The following STON2 variants were observed in gnomAD, a reference collection of about 807,000 sequenced individuals.
STON2 encodes stonin-2.
Under a neutral mutation model 65.7 loss-of-function variants are expected in STON2, and 29 were observed. The ratio of observed to expected loss-of-function variants is 0.44; its 90% CI spans 0.33 to 0.60. STON2 has a LOEUF of 0.60. Among genes scored for constraint, STON2 ranks in the 20% least tolerant of loss-of-function variants. The pLI, the probability that STON2 is intolerant of heterozygous loss-of-function variation, is 0.03. For missense variants in STON2, 1,054 were observed against 1,118.1 expected (o/e 0.94, Z 0.82); for synonymous variants, 404 against 414.2 (o/e 0.98, Z 0.30).
Position 81,278,462 on chromosome 14 carries a change from C to A in STON2, c.1020G>T (p.Leu340Phe), listed in dbSNP as rs368837352. 1.9e-6 allele frequency: 3 copies of A among 1,614,108 alleles called. No homozygotes were observed. The highest frequency in any genetic ancestry group is 3.3e-5 in the Admixed American group (2 of 60,002). Residue 340 changes from leucine (L) to phenylalanine (F), a missense_variant, in exon 6 of 8, where the codon TTG becomes TTT. By Grantham distance (22) the Leu-to-Phe change is conservative (BLOSUM62 0). Coordinates refer to ENST00000614646, the MANE Select transcript of STON2 (RefSeq NM_001394390.1). ...GCTTCTGAACTTTGGAGAAGTTCATCAAAGTGCTCTTGGGACGGTCCCTCT... is the reference window on the plus strand; with the variant it reads ...GCTTCTGAACTTTGGAGAAGTTCATAAAAGTGCTCTTGGGACGGTCCCTCT... ...FKKRDRPKST[L>F]MNFSKVQKLD...
At chr14:81,288,537 T>C (rs1173180978) in intron 5 of STON2, among the ~76,000 whole-genome samples, 1 of 152,112 alleles carries the variant, frequency 6.6e-6, no homozygotes, top group Admixed American at 6.5e-5. Context: ...AAAAATATGG[T>C]TGTAGAGTCA....
chr14:81,322,059 C>G (rs1566907971), intron 5 of STON2, among the ~76,000 whole-genome samples: 1 of 152,140 alleles, frequency 6.6e-6, no homozygotes, highest in South Asian at 2.1e-4. Flanking sequence ...TACATAAGTA[C>G]CCCCTAATAA....
At chr14:81,409,538 G>A (rs1345286465) in intron 2 of STON2, among the ~76,000 whole-genome samples, 2 of 151,734 alleles carry the variant, frequency 1.3e-5, no homozygotes, top group Non-Finnish European at 2.9e-5. Flanking sequence ...TTAGTATATA[G>A]TTCCAGAATG....
chr14:81,435,758 G>A (rs946510528), intron 1 of STON2, among the ~76,000 whole-genome samples: 2 of 152,160 alleles, frequency 1.3e-5, no homozygotes, highest in Non-Finnish European at 2.9e-5. Context: ...CGAGAGGCGG[G>A]TGTCAGGCAA....
chr14:81,360,653 T>C (rs1898451431), intron 4 of STON2, among the ~76,000 whole-genome samples: 3 of 152,146 alleles, frequency 2.0e-5, no homozygotes, highest in Non-Finnish European at 4.4e-5. Context: ...CTATTCAACA[T>C]AGTATTGAAA....
Position 81,277,633 on chromosome 14 carries a change from T to C in STON2, c.1849A>G (p.Ser617Gly). Reference sequence around the variant, plus strand: ...TCAAGGTAGTTGAGGCCAACTGTGCTCAAGTCCATTGACAACACTGGCAGA... The same window carrying C: ...TCAAGGTAGTTGAGGCCAACTGTGCCCAAGTCCATTGACAACACTGGCAGA... ...MDLPVLSMDL[S>G]TVGLNYLEEE... The change falls in exon 6 of 8, where the codon AGC becomes GGC. Residue 617 changes from serine to glycine, a missense_variant. Transcript: ENST00000614646. 1 of 1,614,164 alleles carries C rather than the reference T, an allele frequency of 6.2e-7. No individual in the cohort carries two copies. Among genetic ancestry groups the C allele is most frequent in the Non-Finnish European group, 8.5e-7 (1 of 1,180,034 alleles).
In STON2 at chr14:81,262,510, G is replaced by C. The variant is rs1894189892; in HGVS notation, c.*5904C>G. Reference sequence around the variant, plus strand: ...TGGCTTCTAGTTCAAGTATTTTGAGGCTTGGTACCCAATGCTGATTTGTCA... The same window carrying C: ...TGGCTTCTAGTTCAAGTATTTTGAGCCTTGGTACCCAATGCTGATTTGTCA... On this transcript the variant is annotated 3_prime_UTR_variant, in exon 8 of 8. Coordinates refer to ENST00000614646, the MANE Select transcript of STON2 (RefSeq NM_001394390.1). The C allele has an allele frequency of 1.0e-6, 1 of 985,084 alleles. No individual in the cohort carries two copies. Among genetic ancestry groups the C allele is most frequent in the South Asian group, 4.7e-5 (1 of 21,284 alleles). 61.0% of individuals were successfully genotyped at this position (985,084 alleles called of 1,614,324 possible).
intron 2 of STON2, among the ~76,000 whole-genome samples, chr14:81,416,254 T>C (rs1337879679): frequency 2.6e-5 from 4 of 152,166 alleles, no homozygotes; most frequent in Non-Finnish European, 5.9e-5. Context: ...ACCATTATTA[T>C]TTCTACCCAT....
intron 4 of STON2, among the ~76,000 whole-genome samples, chr14:81,362,594 C>A (rs146522131): frequency 6.6e-6 from 1 of 152,178 alleles, no homozygotes; most frequent in East Asian, 1.9e-4. Flanking sequence ...AATACAGTGA[C>A]TAATATTGTA....
At chr14:81,379,201 A>C (rs529212201) in intron 3 of STON2, among the ~76,000 whole-genome samples, 1 of 152,214 alleles carries the variant, frequency 6.6e-6, no homozygotes, top group Admixed American at 6.5e-5. Context: ...TCAACATATA[A>C]AAGTGAATTG....
At chr14:81,392,165 AC>A (rs1436058904) in intron 3 of STON2, among the ~76,000 whole-genome samples, 1 of 152,156 alleles carries the variant, frequency 6.6e-6, no homozygotes, top group African/African-American at 2.4e-5. Flanking sequence ...TCACAGGTTG[AC>A]TATCTCTGTA....
At chr14:81,434,284 C>T (rs1381360233) in intron 1 of STON2, among the ~76,000 whole-genome samples, 1 of 152,196 alleles carries the variant, frequency 6.6e-6, no homozygotes, top group South Asian at 2.1e-4. Flanking sequence ...TGAGATCTCA[C>T]GAGGTGGGAG....
At chr14:81,271,017 C>T (rs1365094178) in intron 6 of STON2, 145 bp from the exon 7 acceptor site, 12 of 1,085,272 alleles carry the variant, frequency 1.1e-5, no homozygotes, top group African/African-American at 1.6e-5. Flanking sequence ...GCACGAGGAT[C>T]CGCCCGGCTC....
chr14:81,414,340 G>A (rs1901315815), intron 2 of STON2, among the ~76,000 whole-genome samples: 1 of 152,080 alleles, frequency 6.6e-6, no homozygotes, highest in Non-Finnish European at 1.5e-5. Context: ...AGTTACCTAG[G>A]GAGAAGCCGT....
intron 5 of STON2, among the ~76,000 whole-genome samples, chr14:81,291,678 A>G (rs917427402): frequency 6.6e-6 from 1 of 152,014 alleles, no homozygotes; most frequent in South Asian, 2.1e-4. Flanking sequence ...ATTAGAATAA[A>G]CTAATAAATT....
chr14:81,361,595 T>A (rs2140340978), intron 4 of STON2, among the ~76,000 whole-genome samples: 1 of 152,182 alleles, frequency 6.6e-6, no homozygotes, highest in South Asian at 2.1e-4. Flanking sequence ...TAGGCAATGA[T>A]TTTTTACATT....
chr14:81,340,731 C>G lies in STON2; in HGVS notation c.572-16544G>C, dbSNP rs573694473. Among the ~76,000 whole-genome samples, 77 of 152,154 alleles carry G rather than the reference C, an allele frequency of 5.1e-4. 1 individual carries two copies. The highest frequency in any genetic ancestry group is 3.4e-3 in the Middle Eastern group (1 of 294). The stretch of plus-strand genomic sequence containing the variant: ...ACTCTGGAGCACTGCACACAGACAC[C>G]AACTCGCACTAACGGTGGCTTGAAT... On this transcript the variant is annotated intron_variant, in intron 4 of 7. Coordinates refer to ENST00000614646, the MANE Select transcript of STON2 (RefSeq NM_001394390.1).
At chr14:81,292,673 T>C (rs145871766) in intron 5 of STON2, among the ~76,000 whole-genome samples, 88 of 152,308 alleles carry the variant, frequency 5.8e-4, no homozygotes, top group African/African-American at 1.9e-3. Context: ...TGTAAGTCAA[T>C]TAAACCTCTT....
chr14:81,390,550 A>G (rs552894634), intron 3 of STON2, among the ~76,000 whole-genome samples: 28 of 152,344 alleles, frequency 1.8e-4, no homozygotes, highest in African/African-American at 6.5e-4. Context: ...TGGGCAACAG[A>G]GCGAGACTCC....
Sources: allele counts gnomAD v4.1 joint callset (sites outside exome capture counted in the v4.1 genomes callset), GRCh38; gene constraint gnomAD v4.1.1; transcripts MANE v1.5; gene names NCBI Gene and HGNC (gene_info 2026-07-23, HGNC 2026-07-21).